Variants in PEBP4 observed in about 807,000 individuals in gnomAD.
PEBP4 encodes the protein phosphatidylethanolamine binding protein 4, also known as phosphatidylethanolamine-binding protein 4.
PEBP4 carries 22 observed loss-of-function variants against 23.9 expected under a neutral mutation model. The ratio of observed to expected loss-of-function variants is 0.92; its 90% CI spans 0.66 to 1.31. The LOEUF is 1.31. Among genes scored for constraint, PEBP4 ranks in the 40% most tolerant of loss-of-function variants. PEBP4 has a pLI of 0.00. For missense variants in PEBP4, 324 were observed against 281.7 expected, an observed-to-expected ratio of 1.15 and a Z score of -1.07; for synonymous variants, 112 against 99.3, an observed-to-expected ratio of 1.13 and a Z score of -0.76.
At chr8:22,770,072 C>A (rs898941592) in intron 4 of PEBP4, among the ~76,000 whole-genome samples, 9 of 152,218 alleles carry the variant, frequency 5.9e-5, no homozygotes, top group African/African-American at 2.2e-4. Context: ...CAGTTTCCTA[C>A]ACGTCAAATC....
chr8:22,887,794 T>C (rs1808413919), intron 3 of PEBP4: 2 of 152,150 alleles, frequency 1.3e-5, no homozygotes, highest in Non-Finnish European at 2.9e-5. Context: ...TATGATGTTC[T>C]CTAGCACTTT....
intron 6 of PEBP4, among the ~76,000 whole-genome samples, chr8:22,715,969 C>T (rs576100258): frequency 9.9e-5 from 15 of 152,254 alleles, no homozygotes; most frequent in African/African-American, 2.4e-4. Context: ...AGAGAGTCCG[C>T]GGCCAGGCAG....
At chr8:22,818,103 T>A (rs893373287) in intron 3 of PEBP4, among the ~76,000 whole-genome samples, 1 of 152,228 alleles carries the variant, frequency 6.6e-6, no homozygotes, top group African/African-American at 2.4e-5. Flanking sequence ...TGGAGTGACT[T>A]GTTTATCAAT....
At position 22,917,136 on chromosome 8, in the gene PEBP4, G is replaced by A. The variant is rs1425401185; in HGVS notation, c.258+3048C>T. On this transcript the variant is annotated intron_variant, in intron 3 of 6. Transcript: ENST00000256404. ...TTTGCTGGGGGCGGGGGAGGGGGGGGTGTTCCCAGGCATGTCCAATGGCAG... is the reference window on the plus strand; with the variant it reads ...TTTGCTGGGGGCGGGGGAGGGGGGGATGTTCCCAGGCATGTCCAATGGCAG... Among the ~76,000 whole-genome samples, 6 of 149,182 alleles carry A rather than the reference G, an allele frequency of 4.0e-5. 1 individual carries two copies. Among genetic ancestry groups the A allele is most frequent in the Non-Finnish European group, 5.9e-5 (4 of 67,362 alleles).
chr8:22,939,477 C>G (rs1487297455), intron 1 of PEBP4, among the ~76,000 whole-genome samples: 1 of 151,912 alleles, frequency 6.6e-6, no homozygotes, highest in Non-Finnish European at 1.5e-5. Context: ...TTATAGATAA[C>G]TGTTTGTTTA....
At chr8:22,862,515 A>G (rs1807798233) in intron 3 of PEBP4, among the ~76,000 whole-genome samples, 1 of 138,572 alleles carries the variant, frequency 7.2e-6, no homozygotes, top group Non-Finnish European at 1.6e-5. Context: ...CAGCCGGGAG[A>G]GGAGCTGGGA....
Position 22,713,394 on chromosome 8 carries a change from GT to G in PEBP4, c.659del (p.Asn220ThrfsTer5), listed in dbSNP as rs35121552. 0.31 allele frequency: 498,904 copies of G among 1,604,106 alleles called. 79,094 individuals carry two copies. The highest frequency in any genetic ancestry group is 0.43 in the Admixed American group (25,413 of 58,452). On this transcript the variant is annotated frameshift_variant, in exon 7 of 7. Coordinates refer to ENST00000256404, the MANE Select transcript of PEBP4 (RefSeq NM_144962.3). LOFTEE classifies it low-confidence loss of function (END_TRUNC). ...RERASEPKHK[N>X]QAEIAAC ...TCTAGCAGGCAGCTATCTCCGCCTG[GT>G]TTTTGTGCTTGGGCTCGCTGGCCCT...
intron 3 of PEBP4, among the ~76,000 whole-genome samples, chr8:22,842,507 T>C (rs1448348351): frequency 6.6e-6 from 1 of 152,180 alleles, no homozygotes; most frequent in African/African-American, 2.4e-5. Flanking sequence ...AAGTAATTGC[T>C]GCTCCCTACA....
intron 3 of PEBP4, among the ~76,000 whole-genome samples, chr8:22,845,781 C>G (rs748339321): frequency 3.9e-5 from 6 of 152,280 alleles, no homozygotes; most frequent in Non-Finnish European, 5.9e-5. Flanking sequence ...AAGCCACTAT[C>G]AGGCATTATT....
At chr8:22,812,308 T>G (rs1806648230) in intron 4 of PEBP4, among the ~76,000 whole-genome samples, 1 of 152,202 alleles carries the variant, frequency 6.6e-6, no homozygotes, top group Admixed American at 6.5e-5. Flanking sequence ...TCACCTAATG[T>G]ACTTAGAGGT....
chr8:22,856,780 G>A (rs1302708033), intron 3 of PEBP4, among the ~76,000 whole-genome samples: 4 of 151,928 alleles, frequency 2.6e-5, no homozygotes, highest in Non-Finnish European at 5.9e-5. Context: ...CATACCCTTT[G>A]ATCTATTAGT....
intron 4 of PEBP4, among the ~76,000 whole-genome samples, chr8:22,792,397 G>A (rs1055764625): frequency 2.6e-5 from 4 of 152,070 alleles, no homozygotes; most frequent in Non-Finnish European, 5.9e-5. Context: ...TGAAAGAGCT[G>A]GAGACAAGGG....
intron 4 of PEBP4, among the ~76,000 whole-genome samples, chr8:22,811,095 C>T (rs1238554350): frequency 6.6e-6 from 1 of 152,118 alleles, no homozygotes; most frequent in East Asian, 1.9e-4. Flanking sequence ...CTCTCTCTCT[C>T]TTTCTCCTTA....
intron 4 of PEBP4, among the ~76,000 whole-genome samples, chr8:22,782,914 A>G (rs532246131): frequency 2.7e-4 from 41 of 152,306 alleles, no homozygotes; most frequent in Middle Eastern, 3.4e-3. Flanking sequence ...TGCTTCTGCC[A>G]GAGTCACAGG....
At position 22,890,993 on chromosome 8, in the gene PEBP4, T is replaced by G. The variant is rs192990412; in HGVS notation, c.258+29191A>C. Among the ~76,000 whole-genome samples the G allele has an allele frequency of 6.7e-4, 102 of 152,272 alleles. No homozygotes were observed. The East Asian group carries it at 0.018, about 26-fold the overall frequency. ...ACAGGTGTGCACCACCACATCCGAC[T>G]AATTGTTTGTATCTTTAGTAGAGAT... is the stretch of plus-strand genomic sequence containing the variant. On this transcript the variant is annotated intron_variant, in intron 3 of 6. Coordinates refer to ENST00000256404, the MANE Select transcript of PEBP4 (RefSeq NM_144962.3).
chr8:22,874,046 T>C (rs971171984), intron 3 of PEBP4, among the ~76,000 whole-genome samples: 1 of 152,188 alleles, frequency 6.6e-6, no homozygotes, highest in African/African-American at 2.4e-5. Context: ...TCTCGACATC[T>C]TGGTCTTCCT....
chr8:22,842,531 T>C (rs1475377904), intron 3 of PEBP4, among the ~76,000 whole-genome samples: 1 of 152,186 alleles, frequency 6.6e-6, no homozygotes, highest in East Asian at 1.9e-4. Flanking sequence ...ATATGAGCCA[T>C]GTCATCAGGG....
Position 22,775,794 on chromosome 8 carries a change from G to A in PEBP4, c.357+41843C>T, listed in dbSNP as rs1421445951. ...GAAGCGAGAGAGAGGTTGGGGAGGCGGGTTCTCCAGGCTGGAAGGGCTTCC... is the reference window on the plus strand; with the variant it reads ...GAAGCGAGAGAGAGGTTGGGGAGGCAGGTTCTCCAGGCTGGAAGGGCTTCC... On this transcript the variant is annotated intron_variant, in intron 4 of 6. Coordinates refer to ENST00000256404, the MANE Select transcript of PEBP4 (RefSeq NM_144962.3). This position sits in a 1 kb window ranked among gnomAD's most constrained non-coding sequence, Gnocchi z 4.8. 6.6e-6 allele frequency among the ~76,000 whole-genome samples: 1 copy of A among 152,058 alleles called. No individual in the cohort carries two copies. Among genetic ancestry groups the A allele is most frequent in the Non-Finnish European group, 1.5e-5 (1 of 67,984 alleles).
chr8:22,857,983 A>C (rs1807690901), intron 3 of PEBP4, among the ~76,000 whole-genome samples: 1 of 152,084 alleles, frequency 6.6e-6, no homozygotes, highest in Admixed American at 6.5e-5. Flanking sequence ...CATGGGGCAA[A>C]CTCTTAGTTG....
Sources: gnomAD v4.1 joint callset for allele counts (sites outside exome capture counted in the v4.1 genomes callset) on GRCh38, gnomAD v4.1.1 for gene constraint, Gnocchi (gnomAD v3.1) non-coding constraint, MANE v1.5 for transcripts, NCBI Gene and HGNC (gene_info 2026-07-23, HGNC 2026-07-21) for gene names.